IMMP2L: variants seen among roughly 807,000 people sequenced by gnomAD.
IMMP2L encodes the protein mitochondrial inner membrane protease subunit 2.
A neutral mutation model predicts 19.3 loss-of-function variants in IMMP2L; 18 were observed. That is an observed-to-expected ratio of 0.93 (90% CI 0.64 to 1.38). IMMP2L has a LOEUF of 1.38. Ranked by LOEUF, IMMP2L falls within the 40% of genes most tolerant of loss-of-function variation. IMMP2L has a pLI of 0.00. For synonymous variants in IMMP2L, 76 were observed against 73.0 expected (o/e 1.04, Z -0.21); for missense variants, 233 against 218.2 (o/e 1.07, Z -0.43).
At chr7:111,273,711 G>A (rs375147331) in intron 3 of IMMP2L, among the ~76,000 whole-genome samples, 10 of 152,142 alleles carry the variant, frequency 6.6e-5, no homozygotes, top group East Asian at 1.9e-4. Context: ...CAGAGGTTAC[G>A]GTTAGGAACA....
intron 3 of IMMP2L, among the ~76,000 whole-genome samples, chr7:111,149,309 G>C (rs975788253): frequency 6.6e-6 from 1 of 152,120 alleles, no homozygotes; most frequent in Non-Finnish European, 1.5e-5. Flanking sequence ...CACTGATATT[G>C]AAGATGCATG....
intron 5 of IMMP2L, among the ~76,000 whole-genome samples, chr7:110,819,372 C>A (rs1802827466): frequency 6.6e-6 from 1 of 151,982 alleles, no homozygotes; most frequent in Non-Finnish European, 1.5e-5. Flanking sequence ...ATGATATGAA[C>A]TTTACCCTAC....
chr7:110,962,681 T>A, intron 4 of IMMP2L: 1 of 988,792 alleles, frequency 1.0e-6, no homozygotes, highest in Non-Finnish European at 1.2e-6. Flanking sequence ...GGCCATGCTG[T>A]GAGAACTGCT....
At chr7:110,997,010 T>C (rs1478254493) in intron 3 of IMMP2L, among the ~76,000 whole-genome samples, 3 of 152,074 alleles carry the variant, frequency 2.0e-5, no homozygotes, top group Admixed American at 1.3e-4. Context: ...TGTGCCATCA[T>C]AGTCAATCAC....
chr7:110,964,076 T>A (rs1177944068), intron 3 of IMMP2L, among the ~76,000 whole-genome samples: 5 of 151,952 alleles, frequency 3.3e-5, no homozygotes, highest in Admixed American at 2.0e-4. Flanking sequence ...TTGCTCTCTC[T>A]CCTGCCGCCA....
intron 3 of IMMP2L, among the ~76,000 whole-genome samples, chr7:111,464,204 T>C (rs1290004683): frequency 6.6e-6 from 1 of 152,176 alleles, no homozygotes; most frequent in Non-Finnish European, 1.5e-5. Flanking sequence ...ATTACAGGTA[T>C]AGCTTACACC....
chr7:111,236,540 T>A (rs868322028), intron 3 of IMMP2L, among the ~76,000 whole-genome samples: 1 of 152,142 alleles, frequency 6.6e-6, no homozygotes, highest in African/African-American at 2.4e-5. Context: ...TTCCCTGTGT[T>A]CTTTTGAGGT....
At chr7:110,977,149 T>C (rs1397775505) in intron 3 of IMMP2L, among the ~76,000 whole-genome samples, 2 of 152,024 alleles carry the variant, frequency 1.3e-5, no homozygotes, top group African/African-American at 4.8e-5. Context: ...CATTAATTCA[T>C]TCAGCAAATA....
At position 111,025,314 on chromosome 7, in the gene IMMP2L, A is replaced by G. The variant is rs549221679; in HGVS notation, c.240-61749T>C. ...CATCTACTTCCTAGAGTTGTTGTGA[A>G]GATTAAATGAGAAAAAGTTTAATCT... is the stretch of plus-strand genomic sequence containing the variant. On this transcript the variant is annotated intron_variant, in intron 3 of 5. Coordinates refer to ENST00000405709, the MANE Select transcript of IMMP2L (RefSeq NM_032549.4). 2.8e-4 allele frequency among the ~76,000 whole-genome samples: 42 copies of G among 152,312 alleles called. No homozygotes were observed. The South Asian group carries it at 8.7e-3, about 32-fold the overall frequency.
At chr7:111,118,615 T>A in intron 3 of IMMP2L, among the ~76,000 whole-genome samples, 1 of 152,076 alleles carries the variant, frequency 6.6e-6, no homozygotes, top group East Asian at 1.9e-4. Flanking sequence ...TCATTAATAT[T>A]AAATTAATAA....
chr7:111,439,170 T>C (rs1239604169), intron 3 of IMMP2L, among the ~76,000 whole-genome samples: 1 of 151,846 alleles, frequency 6.6e-6, no homozygotes, highest in Non-Finnish European at 1.5e-5. Context: ...GTTTACATCC[T>C]TGCTTAGCTA....
intron 3 of IMMP2L, among the ~76,000 whole-genome samples, chr7:111,088,616 G>A (rs1459803422): frequency 6.6e-6 from 1 of 152,132 alleles, no homozygotes. Flanking sequence ...TGGCTTTAAT[G>A]TGCCAACTGT....
intron 3 of IMMP2L, among the ~76,000 whole-genome samples, chr7:111,332,655 A>G (rs1429287591): frequency 6.6e-6 from 1 of 152,018 alleles, no homozygotes; most frequent in Non-Finnish European, 1.5e-5. Context: ...CACCTACAAT[A>G]TAACTAATAA....
chr7:110,744,860 C>T (rs1797229122), intron 5 of IMMP2L, among the ~76,000 whole-genome samples: 1 of 152,194 alleles, frequency 6.6e-6, no homozygotes, highest in Non-Finnish European at 1.5e-5. Context: ...AGGATCACAA[C>T]TCCTCGCCAG....
chr7:110,667,380 C>T (rs1329957043), intron 5 of IMMP2L, among the ~76,000 whole-genome samples: 1 of 152,156 alleles, frequency 6.6e-6, no homozygotes, highest in Non-Finnish European at 1.5e-5. Context: ...TGCCGCCCCA[C>T]CACCGTCCTG....
At chr7:111,394,614 G>T (rs1584934590) in intron 3 of IMMP2L, among the ~76,000 whole-genome samples, 2 of 152,050 alleles carry the variant, frequency 1.3e-5, no homozygotes, top group African/African-American at 4.8e-5. Context: ...AAATAAGTTA[G>T]TTCTTTCATC....
chr7:111,083,532 C>T (rs998926692), intron 3 of IMMP2L, among the ~76,000 whole-genome samples: 3 of 152,110 alleles, frequency 2.0e-5, no homozygotes, highest in Non-Finnish European at 2.9e-5. Context: ...AGAACGAGGG[C>T]CTCAAAAGAT....
chr7:111,123,730 C>T lies in IMMP2L; in HGVS notation c.240-160165G>A. ...AAGAAAAATAGAAGCTACTAACAAC[C>T]CTAGATTGTCTTACATTCACCCCAA... On this transcript the variant is annotated intron_variant, in intron 3 of 5. Transcript: ENST00000405709. This position sits in a 1 kb window ranked among gnomAD's most constrained non-coding sequence, Gnocchi z 6.4. 6.2e-7 allele frequency: 1 copy of T among 1,613,796 alleles called. No individual in the cohort carries two copies. The highest frequency in any genetic ancestry group is 1.1e-5 in the South Asian group (1 of 91,070).
At position 111,214,328 on chromosome 7, in the gene IMMP2L, C is replaced by CTTTTTT. The variant is rs1484229556; in HGVS notation, c.240-250764_240-250763insAAAAAA. Among the ~76,000 whole-genome samples, 140 of 85,116 alleles carry CTTTTTT rather than the reference C, an allele frequency of 1.6e-3. 25 individuals are homozygous for CTTTTTT. The highest frequency in any genetic ancestry group is 2.1e-3 in the Admixed American group (16 of 7,716). 55.8% of individuals were successfully genotyped at this position (85,116 alleles called of 152,430 possible). A position where few individuals can be genotyped will look rare whatever the true frequency, so the allele number is the denominator to read the frequency against. ...GTGAATGAATGACAAAGTAATTTTTCTTCTTTTTTTTTTTTTTTTTTTTTT... is the reference window on the plus strand; with the variant it reads ...GTGAATGAATGACAAAGTAATTTTTCTTTTTTTTCTTTTTTTTTTTTTTTTTTTTTT... On this transcript the variant is annotated intron_variant, in intron 3 of 5. Transcript: ENST00000405709.
Sources: gnomAD v4.1 joint callset for allele counts (sites outside exome capture counted in the v4.1 genomes callset) on GRCh38, gnomAD v4.1.1 for gene constraint, Gnocchi (gnomAD v3.1) non-coding constraint, MANE v1.5 for transcripts, NCBI Gene and HGNC (gene_info 2026-07-23, HGNC 2026-07-21) for gene names.